Variants in SLFN14 observed in about 807,000 individuals in gnomAD.
The protein encoded by SLFN14 is protein SLFN14.
In SLFN14, 47 loss-of-function variants were observed where a neutral mutation model predicts 58.6. That is an observed-to-expected ratio of 0.80 (90% CI 0.64 to 1.02). The LOEUF is 1.02. Ranked by LOEUF, SLFN14 falls within the 50% of genes least tolerant of loss-of-function variation. The probability of loss-of-function intolerance (pLI) is 0.00; values close to 1 mark genes in which losing one functional copy is unlikely to be tolerated. For synonymous variants in SLFN14, 390 were observed against 387.3 expected, an observed-to-expected ratio of 1.01 and a Z score of -0.08; for missense variants, 967 against 1,078.4, an observed-to-expected ratio of 0.90 and a Z score of 1.45.
chr17:35,557,673 C>A lies in SLFN14; in HGVS notation c.390G>T (p.Leu130Phe). 1 of 1,551,724 alleles carries A rather than the reference C, an allele frequency of 6.4e-7. No homozygotes were observed. The highest frequency in any genetic ancestry group is 8.7e-7 in the Non-Finnish European group (1 of 1,146,988). ...PLRICSLRSN[L>F]YRRDVTSAIN... ...TAGCAGAAGTCACATCTCTCCGATACAAATTGGAGCGCAAGCTGCAAATCC... is the reference window on the plus strand; with the variant it reads ...TAGCAGAAGTCACATCTCTCCGATAAAAATTGGAGCGCAAGCTGCAAATCC... Residue 130 changes from leucine (L) to phenylalanine (F), a missense_variant, in exon 3 of 6, where the codon TTG (leucine) becomes TTT (phenylalanine). By Grantham distance (22) the Leu-to-Phe change is conservative (BLOSUM62 0). Coordinates refer to ENST00000674182, the MANE Select transcript of SLFN14 (RefSeq NM_001129820.2).
chr17:35,551,948 C>T (rs941795777), intron 5 of SLFN14, among the ~76,000 whole-genome samples: 5 of 152,212 alleles, frequency 3.3e-5, no homozygotes, highest in Non-Finnish European at 7.3e-5. Context: ...TCTTTGGACC[C>T]TGTATCTTTA....
In SLFN14 at chr17:35,553,270, A is replaced by G. The variant is rs1339426112; in HGVS notation, c.1364T>C (p.Leu455Pro). ...DVGFRKEQNVLCDALLIAVNS... is the reference protein window; with the variant it reads ...DVGFRKEQNVPCDALLIAVNS... ...AACTGCTATCAGGAGAGCATCACAC[A>G]GGACATTCTGTTCTTTCCTGAAGCC... The change falls in exon 5 of 6, where the codon CTG (leucine) becomes CCG (proline). Residue 455 changes from leucine (L) to proline (P), a missense_variant. Transcript: ENST00000674182. 3.9e-6 allele frequency: 6 copies of G among 1,551,592 alleles called. No homozygotes were observed. Among genetic ancestry groups the G allele is most frequent in the Middle Eastern group, 1.7e-4 (1 of 6,014 alleles).
At position 35,553,073 on chromosome 17, in the gene SLFN14, T is replaced by C; in HGVS notation, c.1561A>G (p.Arg521Gly). The change falls in exon 5 of 6, where the codon AGA becomes GGA. Residue 521 changes from arginine (R) to glycine (G), a missense_variant. Physicochemically the swap from Arg to Gly is moderately radical, Grantham distance 125. Transcript: ENST00000674182. ...TAACGCAGGGGGATCTCACCAGGTC[T>C]ACTCTGTGTGCTGCTCAGGTGTATC... is the stretch of plus-strand genomic sequence containing the variant. ...RLIHLSSTQS[R>G]PGEIPLRYPR... The C allele has an allele frequency of 6.4e-7, 1 of 1,551,706 alleles. No homozygotes were observed.
rs1419278485 is a variant in SLFN14, at chr17:35,548,634, C to A, written c.2344G>T (p.Val782Leu). The A allele has an allele frequency of 5.8e-6, 9 of 1,551,658 alleles. No individual in the cohort carries two copies. The highest frequency in any genetic ancestry group is 7.8e-6 in the Non-Finnish European group (9 of 1,147,012). The change falls in exon 6 of 6, where the codon GTG (valine) becomes TTG (leucine). Residue 782 changes from valine to leucine, a missense_variant. Val to Leu is a conservative substitution (Grantham distance 32). Coordinates refer to ENST00000674182, the MANE Select transcript of SLFN14 (RefSeq NM_001129820.2). The part of the protein sequence containing the change: ...EATCAQALPG[V>L]CETKTNLTTE... ...GTCAGATTAGTCTTTGTCTCACACACCCCAGGCAGAGCCTGGGCACACGTT... is the reference window on the plus strand; with the variant it reads ...GTCAGATTAGTCTTTGTCTCACACAACCCAGGCAGAGCCTGGGCACACGTT...
chr17:35,549,417 C>T (rs2072564225), intron 5 of SLFN14, among the ~76,000 whole-genome samples: 1 of 152,232 alleles, frequency 6.6e-6, no homozygotes, highest in Non-Finnish European at 1.5e-5. Flanking sequence ...AGTTAACTTA[C>T]ACTTCTTACT....
intron 5 of SLFN14, among the ~76,000 whole-genome samples, chr17:35,550,672 A>T (rs2072577883): frequency 1.3e-5 from 2 of 152,358 alleles, no homozygotes; most frequent in South Asian, 4.1e-4. Flanking sequence ...GTAGCACAGT[A>T]GATACCACAT....
rs902020646 is a variant in SLFN14 at position 35,545,958 on chromosome 17, A to G, written c.*2281T>C. ...TGAGAATCACTGAGTTAGTTATTCT[A>G]CTTTCATCCTGATTGAATTGTTTCA... On this transcript the variant is annotated 3_prime_UTR_variant, in exon 6 of 6. Coordinates refer to ENST00000674182, the MANE Select transcript of SLFN14 (RefSeq NM_001129820.2). 3.3e-5 allele frequency among the ~76,000 whole-genome samples: 5 copies of G among 152,188 alleles called. No homozygotes were observed. Among genetic ancestry groups the G allele is most frequent in the African/African-American group, 9.7e-5 (4 of 41,438 alleles).
intron 3 of SLFN14, among the ~76,000 whole-genome samples, chr17:35,555,713 T>A (rs1423246412): frequency 6.6e-6 from 1 of 152,146 alleles, no homozygotes; most frequent in Non-Finnish European, 1.5e-5. Context: ...CAAGTTTTGA[T>A]GAAATCTGGA....
chr17:35,554,430 A>G (rs2072629642), intron 4 of SLFN14, 146 bp downstream of exon 4: 2 of 194,976 alleles, frequency 1.0e-5, no homozygotes, highest in Non-Finnish European at 2.0e-5. Context: ...TATAATATAT[A>G]TATTTCAAAT....
In SLFN14 at chr17:35,548,362, C is replaced by T; in HGVS notation, c.2616G>A (p.Glu872=). ...GACTAAGCCCAAACACGACAGTCCT[C>T]TCCAGGCCTGAAAATTGCTGAATAC... ...LDSIQQFSGL[E]RTVVFGLSPE... The change falls in exon 6 of 6, where the codon GAG becomes GAA. Residue 872 remains glutamate, a synonymous_variant. Coordinates refer to ENST00000674182, the MANE Select transcript of SLFN14 (RefSeq NM_001129820.2). 4 of 1,551,720 alleles carry T rather than the reference C, an allele frequency of 2.6e-6. No homozygotes were observed. Among genetic ancestry groups the T allele is most frequent in the Non-Finnish European group, 3.5e-6 (4 of 1,146,996 alleles).
In SLFN14 at chr17:35,554,617, AC is replaced by A; in HGVS notation, c.1147del (p.Val383SerfsTer15). On this transcript the variant is annotated frameshift_variant, in exon 4 of 6. Coordinates refer to ENST00000674182, the MANE Select transcript of SLFN14 (RefSeq NM_001129820.2). LOFTEE classifies it high-confidence loss of function. Reference sequence around the variant, plus strand: ...TTGCAGAGCCTCCTTAAATTTGTGGACTTTTATGGGATATCCGGGACTTTTT... The same window carrying A: ...TTGCAGAGCCTCCTTAAATTTGTGGATTTTATGGGATATCCGGGACTTTTT... Reference protein sequence around the residue: ...ARKSPGYPIKVHKFKEALQRH... With the variant: ...ARKSPGYPIKXHKFKEALQRH... The A allele has an allele frequency of 6.5e-7, 1 of 1,535,552 alleles. No individual in the cohort carries two copies. The highest frequency in any genetic ancestry group is 8.8e-7 in the Non-Finnish European group (1 of 1,139,176).
In SLFN14 at chr17:35,546,380, G is replaced by C. The variant is rs1352440532; in HGVS notation, c.*1859C>G. Among the ~76,000 whole-genome samples, 2 of 152,174 alleles carry C rather than the reference G, an allele frequency of 1.3e-5. No homozygotes were observed. The highest frequency in any genetic ancestry group is 1.3e-4 in the Admixed American group (2 of 15,270). ...GTTTTTCTTTTCAACCCGTGCCTAGGTACAGACTAGCCCTTCTAATGGGCC... is the reference window on the plus strand; with the variant it reads ...GTTTTTCTTTTCAACCCGTGCCTAGCTACAGACTAGCCCTTCTAATGGGCC... On this transcript the variant is annotated 3_prime_UTR_variant, in exon 6 of 6. Coordinates refer to ENST00000674182, the MANE Select transcript of SLFN14 (RefSeq NM_001129820.2).
At position 35,547,222 on chromosome 17, in the gene SLFN14, G is replaced by A. The variant is rs2072540951; in HGVS notation, c.*1017C>T. On this transcript the variant is annotated 3_prime_UTR_variant, in exon 6 of 6. Coordinates refer to ENST00000674182, the MANE Select transcript of SLFN14 (RefSeq NM_001129820.2). ...AATAATGAAAAACTAGTCATCCTTA[G>A]CATTCTAAATTTGCTTTAGCTTGTA... is the stretch of plus-strand genomic sequence containing the variant. Among the ~76,000 whole-genome samples, 3 of 152,142 alleles carry A rather than the reference G, an allele frequency of 2.0e-5. No individual in the cohort carries two copies. The highest frequency in any genetic ancestry group is 2.4e-5 in the African/African-American group (1 of 41,444).
intron 4 of SLFN14, among the ~76,000 whole-genome samples, chr17:35,554,027 A>T (rs1217414211): frequency 6.6e-6 from 1 of 152,122 alleles, no homozygotes; most frequent in Admixed American, 6.6e-5. Context: ...TCTACAATTC[A>T]CAGGGCTCTC....
chr17:35,548,930 T>C lies in SLFN14; in HGVS notation c.2048A>G (p.His683Arg). ...NWYMKAKNITHPKAKGTGSEN... is the reference protein window; with the variant it reads ...NWYMKAKNITRPKAKGTGSEN... Reference sequence around the variant, plus strand: ...ACTTCCAGTCCCCTTCGCCTTTGGATGGGTGATGTTCTTAGCCTTCATGTA... The same window carrying C: ...ACTTCCAGTCCCCTTCGCCTTTGGACGGGTGATGTTCTTAGCCTTCATGTA... The change falls in exon 6 of 6, where the codon CAT becomes CGT. Residue 683 changes from histidine to arginine, a missense_variant. Physicochemically the swap from His to Arg is conservative, Grantham distance 29. Coordinates refer to ENST00000674182, the MANE Select transcript of SLFN14 (RefSeq NM_001129820.2). 6.4e-7 allele frequency: 1 copy of C among 1,551,740 alleles called. No individual in the cohort carries two copies. The highest frequency in any genetic ancestry group is 8.7e-7 in the Non-Finnish European group (1 of 1,146,990).
chr17:35,555,086 G>C (rs1213411871), intron 3 of SLFN14, among the ~76,000 whole-genome samples: 3 of 152,034 alleles, frequency 2.0e-5, no homozygotes, highest in African/African-American at 7.2e-5. Flanking sequence ...TTTAAAAATG[G>C]TGTTGGCCAG....
chr17:35,560,656 T>C (rs751857327), intron 1 of SLFN14, among the ~76,000 whole-genome samples, 111 bp downstream of exon 1: 11 of 152,284 alleles, frequency 7.2e-5, no homozygotes, highest in East Asian at 3.9e-4. Flanking sequence ...CATTTTCCTT[T>C]ACAAATTTTC....
In SLFN14 at chr17:35,557,794, G is replaced by C. The variant is rs1279068783; in HGVS notation, c.269C>G (p.Ser90Ter). The change falls in exon 3 of 6, where the codon TCA becomes TGA. Residue 90 changes from serine (S) to a stop codon, truncating the protein, a stop_gained. Transcript: ENST00000674182. LOFTEE classifies it high-confidence loss of function. ...GTAGTCAAGGTATTTCTGTGAACCT[G>C]AAGGAAGGAGCTTTTGAAAAGAAGT... ...LETSFQKLLP[S>*]GSQKYLDYMQ... The C allele has an allele frequency of 6.4e-7, 1 of 1,551,728 alleles. No homozygotes were observed. Among genetic ancestry groups the C allele is most frequent in the Non-Finnish European group, 8.7e-7 (1 of 1,146,994 alleles).
At position 35,548,620 on chromosome 17, in the gene SLFN14, C is replaced by T. The variant is rs1478988992; in HGVS notation, c.2358G>A (p.Lys786=). The stretch of plus-strand genomic sequence containing the variant: ...CTATTTGTTCTGTTGTCAGATTAGT[C>T]TTTGTCTCACACACCCCAGGCAGAG... ...AQALPGVCET[K]TNLTTEQIAN... is the part of the protein sequence containing the mutation. The change falls in exon 6 of 6, where the codon AAG becomes AAA. Residue 786 remains lysine, a synonymous_variant. Transcript: ENST00000674182. 1.3e-6 allele frequency: 2 copies of T among 1,551,646 alleles called. No homozygotes were observed. Among genetic ancestry groups the T allele is most frequent in the South Asian group, 1.2e-5 (1 of 84,068 alleles).
Sources: gnomAD v4.1 joint callset for allele counts (sites outside exome capture counted in the v4.1 genomes callset) on GRCh38, gnomAD v4.1.1 for gene constraint, MANE v1.5 for transcripts, NCBI Gene and HGNC (gene_info 2026-07-23, HGNC 2026-07-21) for gene names.